SMOC2: variants seen among roughly 807,000 people sequenced by gnomAD.
The protein encoded by SMOC2 is SPARC related modular calcium binding 2.
Under a neutral mutation model 61.4 loss-of-function variants are expected in SMOC2, and 39 were observed. The ratio of observed to expected loss-of-function variants is 0.64; its 90% CI spans 0.49 to 0.83. The LOEUF (loss-of-function observed/expected upper bound fraction) is 0.83. SMOC2 is among the 40% of genes least tolerant of loss of function. The pLI, the probability that SMOC2 is intolerant of heterozygous loss-of-function variation, is 0.00. For synonymous variants in SMOC2, 247 were observed against 239.9 expected (o/e 1.03, Z -0.27); for missense variants, 556 against 592.9 (o/e 0.94, Z 0.65).
intron 1 of SMOC2, among the ~76,000 whole-genome samples, chr6:168,473,874 T>C (rs567655656): frequency 5.3e-5 from 8 of 152,184 alleles, no homozygotes; most frequent in Admixed American, 6.5e-5. Flanking sequence ...CTGCTGCCTG[T>C]TGGGACAGCA....
chr6:168,588,832 C>T (rs1785106710), intron 7 of SMOC2, among the ~76,000 whole-genome samples: 1 of 152,106 alleles, frequency 6.6e-6, no homozygotes, highest in African/African-American at 2.4e-5. Flanking sequence ...TTGGCTCACG[C>T]CTGTAATCTC....
rs1787234692 is a variant in SMOC2 at position 168,652,999 on chromosome 6, G to A, written c.1056G>A (p.Val352=). 5 of 1,613,912 alleles carry A rather than the reference G, an allele frequency of 3.1e-6. No individual in the cohort carries two copies. The highest frequency in any genetic ancestry group is 4.2e-6 in the Non-Finnish European group (5 of 1,179,980). Residue 352 remains valine, a synonymous_variant, in exon 11 of 13, where the codon GTG becomes GTA. Coordinates refer to ENST00000356284, the MANE Select transcript of SMOC2 (RefSeq NM_001166412.2). ...GCCATACCCTAGAGGAGCGGGTGGT[G>A]CACTGGTACTTCAAACTACTGGATA... ...DPSHTLEERV[V]HWYFKLLDKN... is the part of the protein sequence containing the mutation.
At position 168,591,055 on chromosome 6, in the gene SMOC2, C is replaced by T. The variant is rs140900599; in HGVS notation, c.638-7763C>T. The stretch of plus-strand genomic sequence containing the variant: ...AAGTTTATAGAAGTGAAATTGAAAT[C>T]ATATTTCTATAAAAGTTAGAATTTA... On this transcript the variant is annotated intron_variant, in intron 7 of 12. Transcript: ENST00000356284. Among the ~76,000 whole-genome samples, 614 of 152,230 alleles carry T rather than the reference C, an allele frequency of 4.0e-3. 4 individuals carry two copies. The highest frequency in any genetic ancestry group is 0.014 in the African/African-American group (573 of 41,544).
rs57155644 is a variant in SMOC2 at position 168,544,397 on chromosome 6, G to A, written c.511+725G>A. Among the ~76,000 whole-genome samples, 3,311 of 152,282 alleles carry A rather than the reference G, an allele frequency of 0.022. 114 individuals are homozygous for A. The highest frequency in any genetic ancestry group is 0.075 in the African/African-American group (3,120 of 41,550). ...TTTCTAGTGTAGGTTACAGTGTAAT[G>A]AACCAGTAACAAACAAAAATAATAT... On this transcript the variant is annotated intron_variant, in intron 5 of 12. Transcript: ENST00000356284. This position sits in a 1 kb window ranked among gnomAD's most constrained non-coding sequence, Gnocchi z 4.1.
intron 1 of SMOC2, among the ~76,000 whole-genome samples, chr6:168,485,554 A>C (rs1000482419): frequency 6.6e-6 from 1 of 152,202 alleles, no homozygotes; most frequent in Admixed American, 6.5e-5. Flanking sequence ...CATTATACTG[A>C]GAGTAGTTAT....
intron 2 of SMOC2, among the ~76,000 whole-genome samples, chr6:168,518,283 AGTGTGAAT>A (rs138290221): frequency 0.058 from 8,898 of 152,106 alleles, 441 homozygotes; most frequent in East Asian, 0.24. Flanking sequence ...CGGGGGTGTG[AGTGTGAAT>A]GTGTGAATGT....
chr6:168,652,746 A>T (rs1787227274), intron 10 of SMOC2, among the ~76,000 whole-genome samples: 1 of 152,170 alleles, frequency 6.6e-6, no homozygotes, highest in African/African-American at 2.4e-5. Flanking sequence ...ATCATTTACA[A>T]TTTTGAATCC....
intron 1 of SMOC2, among the ~76,000 whole-genome samples, chr6:168,499,267 C>A (rs574082902): frequency 6.6e-6 from 1 of 152,244 alleles, no homozygotes; most frequent in Non-Finnish European, 1.5e-5. Flanking sequence ...AGAGCCACTG[C>A]GATTCCAGGT....
At chr6:168,625,479 G>A (rs942680620) in intron 9 of SMOC2, among the ~76,000 whole-genome samples, 13 of 152,218 alleles carry the variant, frequency 8.5e-5, no homozygotes, top group Non-Finnish European at 4.4e-5. Flanking sequence ...CCCGCATGGC[G>A]TTCTTGGGAT....
chr6:168,489,556 C>T (rs977268614), intron 1 of SMOC2, among the ~76,000 whole-genome samples: 14 of 146,184 alleles, frequency 9.6e-5, no homozygotes, highest in African/African-American at 3.4e-4. Context: ...TATATCAAAT[C>T]GTCTGGGTCC....
chr6:168,551,955 G>A (rs1583102965), intron 7 of SMOC2, among the ~76,000 whole-genome samples: 1 of 152,280 alleles, frequency 6.6e-6, no homozygotes. Flanking sequence ...TAGTGGGACT[G>A]AAAATAATGT....
intron 4 of SMOC2, among the ~76,000 whole-genome samples, chr6:168,533,325 A>G (rs919097902): frequency 2.6e-5 from 4 of 152,056 alleles, no homozygotes; most frequent in African/African-American, 9.7e-5. Context: ...TTTAACTATG[A>G]CTTCTGCATT....
chr6:168,663,848 T>C (rs1787584420), intron 11 of SMOC2, among the ~76,000 whole-genome samples: 1 of 152,182 alleles, frequency 6.6e-6, no homozygotes, highest in South Asian at 2.1e-4. Flanking sequence ...TACACGATAA[T>C]ATATAAGAAG....
intron 1 of SMOC2, among the ~76,000 whole-genome samples, chr6:168,467,557 C>T (rs2609335): frequency 0.17 from 26,231 of 152,118 alleles, 2,847 homozygotes; most frequent in Non-Finnish European, 0.23. Context: ...ATCCACCCGC[C>T]TCGGCCTCCC....
intron 7 of SMOC2, among the ~76,000 whole-genome samples, chr6:168,566,035 T>C (rs1305465921): frequency 6.6e-6 from 1 of 152,238 alleles, no homozygotes; most frequent in Non-Finnish European, 1.5e-5. Flanking sequence ...TATTTTCAAT[T>C]GGTGATTCTT....
rs185561883 is a variant in SMOC2 at position 168,513,651 on chromosome 6, T to C, written c.256+3565T>C. Among the ~76,000 whole-genome samples the C allele has an allele frequency of 1.7e-3, 258 of 152,358 alleles. 1 individual carries two copies. The highest frequency in any genetic ancestry group is 6.0e-3 in the African/African-American group (248 of 41,568). On this transcript the variant is annotated intron_variant, in intron 2 of 12. Transcript: ENST00000356284. ...ATAAGTCCTGACATTTACTTGATAT[T>C]AATACATTCAGTAAATTGGCGTTTT...
chr6:168,624,636 G>A (rs1786340654), intron 9 of SMOC2, among the ~76,000 whole-genome samples: 1 of 95,328 alleles, frequency 1.0e-5, no homozygotes, highest in African/African-American at 4.0e-5. Flanking sequence ...ACAGACAACA[G>A]TACAAATTCA....
intron 7 of SMOC2, among the ~76,000 whole-genome samples, chr6:168,595,578 ATCT>A (rs1785308754): frequency 6.6e-6 from 1 of 152,126 alleles, no homozygotes; most frequent in Non-Finnish European, 1.5e-5. Context: ...TTGTTTAAAG[ATCT>A]TCTGCCTCCA....
chr6:168,494,399 C>T, intron 1 of SMOC2, among the ~76,000 whole-genome samples: 1 of 152,126 alleles, frequency 6.6e-6, no homozygotes, highest in Non-Finnish European at 1.5e-5. Flanking sequence ...GAATACTTTG[C>T]CTCTCTTCTT....
Sources: gnomAD v4.1 joint callset for allele counts (sites outside exome capture counted in the v4.1 genomes callset) on GRCh38, gnomAD v4.1.1 for gene constraint, Gnocchi (gnomAD v3.1) non-coding constraint, MANE v1.5 for transcripts, NCBI Gene and HGNC (gene_info 2026-07-23, HGNC 2026-07-21) for gene names.